APBB2: variants seen among roughly 807,000 people sequenced by gnomAD.
APBB2 encodes the protein amyloid beta precursor protein binding family B member 2, also known as Fe65-like 1.
Under a neutral mutation model 82.5 loss-of-function variants are expected in APBB2, and 38 were observed. That is an observed-to-expected ratio of 0.46 (90% CI 0.36 to 0.60). The LOEUF is 0.60. Among genes scored for constraint, APBB2 ranks in the 20% least tolerant of loss-of-function variants. The pLI is 0.00. For missense variants in APBB2, 772 were observed against 972.3 expected (o/e 0.79, Z 2.74); for synonymous variants, 341 against 368.2 (o/e 0.93, Z 0.85).
At chr4:40,956,914 C>T (rs10938464) in intron 6 of APBB2, among the ~76,000 whole-genome samples, 145,968 of 152,282 alleles carry the variant, frequency 0.96, 70,166 homozygotes, top group South Asian at 1. Context: ...GGCATAGTCT[C>T]TGCTGGGCTT....
chr4:40,889,777 T>C (rs938284754), intron 12 of APBB2, among the ~76,000 whole-genome samples: 2 of 152,192 alleles, frequency 1.3e-5, no homozygotes, highest in African/African-American at 4.8e-5. Context: ...TTCTTATAAA[T>C]AACACATTTT....
chr4:40,914,691 TC>T (rs1269798875), intron 10 of APBB2, among the ~76,000 whole-genome samples: 2 of 152,232 alleles, frequency 1.3e-5, no homozygotes. Context: ...ACTCTGTATT[TC>T]CTCTAGGAGC....
chr4:41,002,401 G>A (rs970940634), intron 6 of APBB2, among the ~76,000 whole-genome samples: 1 of 152,224 alleles, frequency 6.6e-6, no homozygotes, highest in African/African-American at 2.4e-5. Flanking sequence ...AGACTAGGAT[G>A]ACTATGATTA....
At chr4:41,118,395 T>C (rs551115611) in intron 2 of APBB2, among the ~76,000 whole-genome samples, 1 of 152,286 alleles carries the variant, frequency 6.6e-6, no homozygotes, top group African/African-American at 2.4e-5. Flanking sequence ...TCCGTTTTCC[T>C]CATCTATAAA....
At chr4:40,957,459 G>A (rs908844616) in intron 6 of APBB2, among the ~76,000 whole-genome samples, 1 of 152,150 alleles carries the variant, frequency 6.6e-6, no homozygotes, top group Non-Finnish European at 1.5e-5. Flanking sequence ...ATTAGCACGT[G>A]GCTGTTTTCT....
chr4:40,944,836 T>C (rs762139853), intron 7 of APBB2, 29 bp downstream of exon 7: 1 of 1,607,358 alleles, frequency 6.2e-7, no homozygotes, highest in Admixed American at 1.7e-5. Flanking sequence ...TCTATTCTAC[T>C]AAGCTGGTAA....
intron 2 of APBB2, among the ~76,000 whole-genome samples, chr4:41,104,627 C>T (rs187990622): frequency 1.6e-4 from 24 of 152,218 alleles, no homozygotes; most frequent in Middle Eastern, 3.4e-3. Context: ...GCAATCCTCA[C>T]CCTCCTCCCA....
Position 41,166,231 on chromosome 4 carries a change from C to T in APBB2, c.-416-23089G>A, listed in dbSNP as rs1580557011. On this transcript the variant is annotated intron_variant, in intron 1 of 17. Coordinates refer to ENST00000508593, the MANE Select transcript of APBB2 (RefSeq NM_004307.2). ...GCCTGTAGTTCTTCCGCTAAGCTAG[C>T]TTTGGAATAAAAAGTCACTTTCAGC... 2.6e-5 allele frequency among the ~76,000 whole-genome samples: 4 copies of T among 152,028 alleles called. No individual in the cohort carries two copies. The South Asian group carries it at 6.3e-4, about 24-fold the overall frequency.
chr4:40,934,435 T>C (rs1490644407), intron 10 of APBB2, 21 bp downstream of exon 10: 2 of 1,610,726 alleles, frequency 1.2e-6, no homozygotes, highest in East Asian at 2.2e-5. Flanking sequence ...ACCTGGTGGC[T>C]GAAAGCAAGT....
Position 40,934,705 on chromosome 4 carries a change from G to A in APBB2, c.1108-6C>T, listed in dbSNP as rs2154375394. The stretch of plus-strand genomic sequence containing the variant: ...ACAGTGGCTGCATGCAAATCCTAGA[G>A]GAAAATAGAACCTTGTTAATGTACA... On this transcript the variant is annotated splice_polypyrimidine_tract_variant and splice_region_variant and intron_variant, in intron 8 of 17. Transcript: ENST00000508593. The A allele has an allele frequency of 6.2e-7, 1 of 1,607,684 alleles. No individual in the cohort carries two copies. Among genetic ancestry groups the A allele is most frequent in the Middle Eastern group, 1.7e-4 (1 of 6,048 alleles).
intron 1 of APBB2, among the ~76,000 whole-genome samples, chr4:41,196,598 G>GC: frequency 8.8e-6 from 1 of 113,388 alleles, no homozygotes; most frequent in Non-Finnish European, 1.8e-5. Flanking sequence ...AAAGCCCCCT[G>GC]CTTTTTTTTT....
At chr4:40,856,228 C>T (rs1761143323) in intron 12 of APBB2, among the ~76,000 whole-genome samples, 1 of 152,186 alleles carries the variant, frequency 6.6e-6, no homozygotes, top group Non-Finnish European at 1.5e-5. Flanking sequence ...TTCTCCCACC[C>T]AAGGCAGTAA....
At chr4:41,004,652 T>C (rs1287388843) in intron 6 of APBB2, among the ~76,000 whole-genome samples, 1 of 151,504 alleles carries the variant, frequency 6.6e-6, no homozygotes, top group East Asian at 2.0e-4. Flanking sequence ...CTGCCTAACA[T>C]GGTGAAACCC....
chr4:41,018,482 A>G (rs892373320), intron 5 of APBB2, among the ~76,000 whole-genome samples: 32 of 152,302 alleles, frequency 2.1e-4, no homozygotes, highest in African/African-American at 7.7e-4. Flanking sequence ...GGTATGATGG[A>G]GAAGAGCAAA....
rs534624108 is a variant in APBB2, at chr4:40,871,311, G to C, written c.1529+19053C>G. Among the ~76,000 whole-genome samples the C allele has an allele frequency of 7.9e-5, 12 of 152,212 alleles. No individual in the cohort carries two copies. In the East Asian group the frequency reaches 1.7e-3, roughly 22 times the overall value. On this transcript the variant is annotated intron_variant, in intron 12 of 17. Transcript: ENST00000508593. ...AGGCAAGAGCCATCATCCCCAGTTA[G>C]TTTTTGTATTCTTAGTAGAGACGGG...
rs1744373938 is a variant in APBB2 at position 40,811,381 on chromosome 4, C to T, written c.*4711G>A. On this transcript the variant is annotated 3_prime_UTR_variant, in exon 18 of 18. Transcript: ENST00000508593. ...CCAGCCTGGCCAACGTGGCGAAACC[C>T]TGTCTCTACTAAAAATATACAAATT... The T allele has an allele frequency of 6.6e-6, 1 of 152,094 alleles. No individual in the cohort carries two copies. Among genetic ancestry groups the T allele is most frequent in the African/African-American group, 2.4e-5 (1 of 41,382 alleles). The allele number at this position is 152,094 out of a possible 1,614,324, so 9.4% of individuals were successfully genotyped here.
intron 3 of APBB2, among the ~76,000 whole-genome samples, chr4:41,078,816 C>T (rs966364519): frequency 1.3e-5 from 2 of 152,234 alleles, no homozygotes; most frequent in African/African-American, 4.8e-5. Context: ...GGGAAATGGC[C>T]GGCATCTAAA....
chr4:41,023,341 G>T (rs1712530596), intron 5 of APBB2, among the ~76,000 whole-genome samples: 1 of 152,120 alleles, frequency 6.6e-6, no homozygotes, highest in South Asian at 2.1e-4. Flanking sequence ...CTTCTAAATT[G>T]CAAACGCCTT....
intron 10 of APBB2, among the ~76,000 whole-genome samples, chr4:40,915,837 C>G (rs1010869890): frequency 4.6e-5 from 7 of 152,054 alleles, no homozygotes; most frequent in African/African-American, 1.7e-4. Context: ...ACCCCGGAAC[C>G]CGGCCATCTC....
Sources: allele counts gnomAD v4.1 joint callset (sites outside exome capture counted in the v4.1 genomes callset), GRCh38; gene constraint gnomAD v4.1.1; transcripts MANE v1.5; gene names NCBI Gene and HGNC (gene_info 2026-07-23, HGNC 2026-07-21).